Variants in TDRD1 observed in about 807,000 individuals in gnomAD.
TDRD1 encodes tudor domain-containing protein 1.
Under a neutral mutation model 140.6 loss-of-function variants are expected in TDRD1, and 37 were observed. That is an observed-to-expected ratio of 0.26 (90% CI 0.20 to 0.35). TDRD1 has a LOEUF of 0.35. Ranked by LOEUF, TDRD1 falls within the 10% of genes least tolerant of loss-of-function variation. The pLI is 1.00. For synonymous variants in TDRD1, 506 were observed against 475.7 expected, an observed-to-expected ratio of 1.06 and a Z score of -0.83; for missense variants, 1,243 against 1,393.0, an observed-to-expected ratio of 0.89 and a Z score of 1.71.
At chr10:114,185,972 G>A (rs2033488089) in intron 1 of TDRD1, among the ~76,000 whole-genome samples, 1 of 152,078 alleles carries the variant, frequency 6.6e-6, no homozygotes, top group Non-Finnish European at 1.5e-5. Flanking sequence ...GGTTATATGT[G>A]TGCCTTTTGT....
chr10:114,214,953 G>A (rs183900038), intron 16 of TDRD1, among the ~76,000 whole-genome samples: 2 of 152,190 alleles, frequency 1.3e-5, no homozygotes, highest in East Asian at 1.9e-4. Context: ...GTGTTAGCCA[G>A]GATGGTCTCG....
At chr10:114,223,795 C>T (rs981599748) in intron 21 of TDRD1, among the ~76,000 whole-genome samples, 5 of 152,202 alleles carry the variant, frequency 3.3e-5, no homozygotes, top group African/African-American at 1.2e-4. Flanking sequence ...TTCCAGTGCT[C>T]TGCATTAGTG....
chr10:114,219,535 A>G (rs2036013601), intron 18 of TDRD1, among the ~76,000 whole-genome samples: 1 of 152,044 alleles, frequency 6.6e-6, no homozygotes. Context: ...TTCTTCTGCT[A>G]ATCTGTTTCT....
intron 21 of TDRD1, among the ~76,000 whole-genome samples, chr10:114,223,370 C>G (rs1286241898): frequency 1.3e-5 from 2 of 152,218 alleles, no homozygotes; most frequent in Admixed American, 6.5e-5. Flanking sequence ...GGAACAAGGT[C>G]TTGAAAGTCT....
At chr10:114,203,231 C>A (rs1027827723) in intron 7 of TDRD1, 55 bp downstream of exon 7, 1 of 1,510,402 alleles carries the variant, frequency 6.6e-7, no homozygotes, top group African/African-American at 1.4e-5. Context: ...TGTATTTATT[C>A]TCGTTTCCTA....
chr10:114,178,480 G>A (rs996941134), upstream of TDRD1, among the ~76,000 whole-genome samples: 1 of 152,160 alleles, frequency 6.6e-6, no homozygotes, highest in Admixed American at 6.5e-5. Flanking sequence ...TGTCCGTTAG[G>A]TACAGAAAAA....
chr10:114,217,684 T>C (rs2035898846), intron 17 of TDRD1, 29 bp downstream of exon 17: 2 of 1,186,788 alleles, frequency 1.7e-6, no homozygotes. Context: ...AATCTTGACT[T>C]TTAGAACCTT....
At chr10:114,230,006 T>C (rs1025762215) in intron 25 of TDRD1, among the ~76,000 whole-genome samples, 8 of 152,162 alleles carry the variant, frequency 5.3e-5, no homozygotes, top group Admixed American at 5.2e-4. Context: ...AATCTTTTTG[T>C]ATTTTTAGTA....
chr10:114,211,718 A>G (rs1362924899), intron 13 of TDRD1, 148 bp from the exon 14 acceptor site: 3 of 736,868 alleles, frequency 4.1e-6, no homozygotes, highest in Non-Finnish European at 4.1e-6. Flanking sequence ...AAGGCTTCTG[A>G]TAAGCAAAAT....
exon 26 of TDRD1, chr10:114,231,720 A>G (rs900474150): frequency 3.7e-5 from 19 of 513,082 alleles, no homozygotes; most frequent in Admixed American, 2.9e-4. Flanking sequence ...TAAAAAATTC[A>G]TACCAAATCA....
At chr10:114,177,089 G>GA (rs994991132), upstream of TDRD1, among the ~76,000 whole-genome samples, 70 of 150,656 alleles carry the variant, frequency 4.6e-4, no homozygotes, top group African/African-American at 1.5e-3. Context: ...TATAAAATAA[G>GA]AAAAAAAAAG....
At chr10:114,184,145 A>G (rs1236527603) in intron 1 of TDRD1, among the ~76,000 whole-genome samples, 1 of 151,928 alleles carries the variant, frequency 6.6e-6, no homozygotes, top group East Asian at 1.9e-4. Flanking sequence ...CACTAGGCAG[A>G]AAATGCATAC....
exon 26 of TDRD1, chr10:114,231,540 CTT>C: frequency 6.3e-7 from 1 of 1,575,096 alleles, no homozygotes; most frequent in South Asian, 1.2e-5. Context: ...CAAAGGCTAG[CTT>C]TAGGAGAGAA....
In TDRD1 at chr10:114,227,313, G is replaced by A. The variant is rs755116129; in HGVS notation, c.3403+14G>A. On this transcript the variant is annotated intron_variant, in intron 23 of 25. Transcript: ENST00000251864. Reference sequence around the variant, plus strand: ...CTTTAAATACAGGTATTCTTTTCAAGTGTTATTAATAACAGATGTTAAGTG... The same window carrying A: ...CTTTAAATACAGGTATTCTTTTCAAATGTTATTAATAACAGATGTTAAGTG... 3 of 1,546,656 alleles carry A rather than the reference G, an allele frequency of 1.9e-6. No individual in the cohort carries two copies. The highest frequency in any genetic ancestry group is 1.4e-5 in the African/African-American group (1 of 73,754).
exon 20 of TDRD1, chr10:114,221,395 C>T (rs1190475378): frequency 6.2e-7 from 1 of 1,612,328 alleles, no homozygotes; most frequent in South Asian, 1.1e-5. Flanking sequence ...GATAGAATTG[C>T]CAGTGGATAA....
intron 4 of TDRD1, 93 bp downstream of exon 4, chr10:114,199,410 A>T: frequency 6.8e-7 from 1 of 1,473,654 alleles, no homozygotes; most frequent in Admixed American, 2.4e-5. Context: ...AAGTGTAATT[A>T]GAACAGTGTC....
At chr10:114,218,644 T>A in intron 18 of TDRD1, 60 bp downstream of exon 18, 1 of 1,175,136 alleles carries the variant, frequency 8.5e-7, no homozygotes, top group Non-Finnish European at 1.2e-6. Context: ...ATAATCCAAG[T>A]GTTAATATCT....
At chr10:114,199,384 C>T in intron 4 of TDRD1, 67 bp downstream of exon 4, 4 of 1,538,104 alleles carry the variant, frequency 2.6e-6, no homozygotes, top group Non-Finnish European at 2.6e-6. Context: ...TTTATTGTGG[C>T]AGATGATGAA....
chr10:114,182,764 C>T (rs548800137), intron 1 of TDRD1, among the ~76,000 whole-genome samples: 2 of 151,464 alleles, frequency 1.3e-5, no homozygotes, highest in African/African-American at 4.9e-5. Flanking sequence ...CAGCTCACTG[C>T]AAGCTCGCCT....
Sources: gnomAD v4.1 joint callset for allele counts (sites outside exome capture counted in the v4.1 genomes callset) on GRCh38, gnomAD v4.1.1 for gene constraint, MANE v1.5 for transcripts, NCBI Gene and HGNC (gene_info 2026-07-23, HGNC 2026-07-21) for gene names.